Variants in BANP observed in about 807,000 individuals in gnomAD.
BANP encodes the protein BTG3 associated nuclear protein, also known as protein BANP.
BANP carries 11 observed loss-of-function variants against 68.1 expected under a neutral mutation model. The observed-to-expected ratio is 0.16, with a 90% confidence interval of 0.10 to 0.27. BANP has a LOEUF of 0.27. Ranked by LOEUF, BANP falls within the 10% of genes least tolerant of loss-of-function variation. BANP has a pLI of 1.00. For synonymous variants in BANP, 329 were observed against 303.2 expected (o/e 1.09, Z -0.88); for missense variants, 504 against 722.7 (o/e 0.70, Z 3.47).
chr16:87,978,330 A>C (rs1329884105), intron 2 of BANP: 13 of 240,144 alleles, frequency 5.4e-5, no homozygotes, highest in Non-Finnish European at 1.0e-4. Context: ...TTATGACGAA[A>C]CTAGCTCTGT....
chr16:88,020,645 G>A (rs1018682773), intron 7 of BANP, among the ~76,000 whole-genome samples: 2 of 152,216 alleles, frequency 1.3e-5, no homozygotes, highest in African/African-American at 4.8e-5. Flanking sequence ...GGATGGTGGT[G>A]TGTGGGATGA....
rs554665857 is a variant in BANP at position 88,032,861 on chromosome 16, G to A, written c.1064-248G>A. Among the ~76,000 whole-genome samples, 11 of 152,324 alleles carry A rather than the reference G, an allele frequency of 7.2e-5. No individual in the cohort carries two copies. The South Asian group carries it at 2.3e-3, about 32-fold the overall frequency. Reference sequence around the variant, plus strand: ...TTAAATAAGTTGGGGACTAGAAGGGGTTTTGTCATAGCAGCATCACGCCAC... The same window carrying A: ...TTAAATAAGTTGGGGACTAGAAGGGATTTTGTCATAGCAGCATCACGCCAC... On this transcript the variant is annotated intron_variant, in intron 8 of 13. Coordinates refer to ENST00000682872, the MANE Select transcript of BANP (RefSeq NM_001386991.1).
At position 88,004,628 on chromosome 16, in the gene BANP, G is replaced by T. The variant is rs1325768171; in HGVS notation, c.479+217G>T. Among the ~76,000 whole-genome samples the T allele has an allele frequency of 6.6e-6, 1 of 152,124 alleles. No individual in the cohort carries two copies. The highest frequency in any genetic ancestry group is 1.5e-5 in the Non-Finnish European group (1 of 68,020). On this transcript the variant is annotated intron_variant, in intron 5 of 13. Transcript: ENST00000682872. The surrounding 1 kb of genome is among the most constrained non-coding windows in gnomAD (Gnocchi z 7.0). ...TCCAGCCACACCAGGGGCAGCTGCC[G>T]CCGGGGACTTCTGTGTCTCGTGCTG...
chr16:88,034,221 T>C (rs961367627), intron 9 of BANP, among the ~76,000 whole-genome samples: 6 of 152,246 alleles, frequency 3.9e-5, no homozygotes, highest in Non-Finnish European at 7.3e-5. Context: ...GTGAATCTTA[T>C]TTAATAAGCT....
intron 1 of BANP, among the ~76,000 whole-genome samples, chr16:87,963,790 C>G (rs1422107479): frequency 6.6e-6 from 1 of 152,186 alleles, no homozygotes; most frequent in African/African-American, 2.4e-5. Flanking sequence ...ACTTTTCTTG[C>G]TGCTGTTTTT....
chr16:87,973,028 C>G (rs2061400808), intron 1 of BANP, among the ~76,000 whole-genome samples: 2 of 151,928 alleles, frequency 1.3e-5, no homozygotes, highest in African/African-American at 4.8e-5. Context: ...TCCAGTGTCC[C>G]CATCTGCTTG....
intron 11 of BANP, among the ~76,000 whole-genome samples, chr16:88,061,898 A>T (rs1195177252): frequency 6.6e-6 from 1 of 152,062 alleles, no homozygotes; most frequent in Non-Finnish European, 1.5e-5. Context: ...ACCTCAGGTG[A>T]CCAGCCCGCC....
chr16:88,038,294 G>C (rs999945329), intron 11 of BANP, among the ~76,000 whole-genome samples: 1 of 152,142 alleles, frequency 6.6e-6, no homozygotes, highest in Admixed American at 6.5e-5. Context: ...GGGGGCTCTC[G>C]CGGGAGGGAG....
At chr16:88,075,288 A>G (rs922104617) in intron 13 of BANP, among the ~76,000 whole-genome samples, 5 of 152,164 alleles carry the variant, frequency 3.3e-5, no homozygotes, top group African/African-American at 2.4e-5. Context: ...GGAGGTTGCA[A>G]TGAGTCGAGA....
intron 6 of BANP, among the ~76,000 whole-genome samples, chr16:88,015,075 GTCT>G (rs2074174503): frequency 7.7e-6 from 1 of 129,964 alleles, no homozygotes; most frequent in Non-Finnish European, 1.6e-5. Flanking sequence ...CCCTCTGCTC[GTCT>G]CCTCTGCCTG....
In BANP at chr16:87,965,814, T is replaced by G. The variant is rs563603844; in HGVS notation, c.-68-9234T>G. Among the ~76,000 whole-genome samples the G allele has an allele frequency of 3.9e-5, 6 of 152,320 alleles. No individual in the cohort carries two copies. The South Asian group carries it at 8.3e-4, about 21-fold the overall frequency. On this transcript the variant is annotated intron_variant, in intron 1 of 13. Transcript: ENST00000682872. ...TGGCCTTGCCTGTAGACACATCACT[T>G]GGTTGTAGAAACAGTTTCACAGGTA...
intron 13 of BANP, among the ~76,000 whole-genome samples, chr16:88,073,827 T>TC (rs1413543402): frequency 2.0e-5 from 3 of 152,252 alleles, no homozygotes; most frequent in Non-Finnish European, 4.4e-5. Context: ...CAAACCTGTG[T>TC]CCCATGGTTG....
At chr16:87,986,703 C>T (rs1301770184) in intron 4 of BANP, among the ~76,000 whole-genome samples, 2 of 152,192 alleles carry the variant, frequency 1.3e-5, no homozygotes, top group African/African-American at 4.8e-5. Context: ...CAGAAATCCC[C>T]CATGCTTCCC....
Position 88,039,531 on chromosome 16 carries a change from G to A in BANP, c.1311+1520G>A, listed in dbSNP as rs964998238. Among the ~76,000 whole-genome samples the A allele has an allele frequency of 2.8e-5, 4 of 143,488 alleles. No individual in the cohort carries two copies. In the South Asian group the frequency reaches 7.0e-4, roughly 25 times the overall value. 94.1% of individuals were successfully genotyped at this position (143,488 alleles called of 152,430 possible). On this transcript the variant is annotated intron_variant, in intron 11 of 13. Transcript: ENST00000682872. Reference sequence around the variant, plus strand: ...AGGAAAAGTAAGGCACGTCACCTTCGACATTCCCTTGTTCCTGTCTCTACC... The same window carrying A: ...AGGAAAAGTAAGGCACGTCACCTTCAACATTCCCTTGTTCCTGTCTCTACC...
chr16:88,041,223 C>T (rs773426015), intron 11 of BANP, among the ~76,000 whole-genome samples: 12 of 152,182 alleles, frequency 7.9e-5, no homozygotes, highest in Non-Finnish European at 1.3e-4. Context: ...AAATAGCCTC[C>T]ATTCTTAGTT....
chr16:87,959,543 C>T (rs117441099), intron 1 of BANP, among the ~76,000 whole-genome samples: 1,634 of 152,348 alleles, frequency 0.011, 14 homozygotes, highest in Non-Finnish European at 0.016. Context: ...CTAGCAGGCT[C>T]TCCGGGGAGG....
intron 2 of BANP, among the ~76,000 whole-genome samples, chr16:87,979,403 G>A (rs1038227301): frequency 3.9e-5 from 6 of 152,190 alleles, no homozygotes; most frequent in Non-Finnish European, 8.8e-5. Flanking sequence ...CTGTGACCTT[G>A]TTGGTGTCAC....
In BANP at chr16:87,998,868, G is replaced by A. The variant is rs866947356; in HGVS notation, c.363-5427G>A. Among the ~76,000 whole-genome samples the A allele has an allele frequency of 3.2e-3, 398 of 124,094 alleles. 6 individuals are homozygous for A. The highest frequency in any genetic ancestry group is 0.011 in the African/African-American group (343 of 31,726). 81.4% of individuals were successfully genotyped at this position (124,094 alleles called of 152,430 possible). On this transcript the variant is annotated intron_variant, in intron 4 of 13. Transcript: ENST00000682872. ...TGTACTTACCTGTCCTTCCAGACAC[G>A]TCTCCATGCACGCACGTGCGCGGCT...
Position 88,076,894 on chromosome 16 carries a change from G to C in BANP, c.*233G>C, listed in dbSNP as rs1296282300. ...TCCTGCTGTTGGTGTCGGAGCACGA[G>C]GGGAGGCACGGTGCGGAGAGCGTCG... On this transcript the variant is annotated 3_prime_UTR_variant, in exon 14 of 14. Coordinates refer to ENST00000682872, the MANE Select transcript of BANP (RefSeq NM_001386991.1). 2 of 534,604 alleles carry C rather than the reference G, an allele frequency of 3.7e-6. No individual in the cohort carries two copies. Among genetic ancestry groups the C allele is most frequent in the Non-Finnish European group, 3.3e-6 (1 of 302,956 alleles). The allele number at this position is 534,604 out of a possible 1,614,324, so 33.1% of individuals were successfully genotyped here. A position where few individuals can be genotyped will look rare whatever the true frequency, so the allele number is the denominator to read the frequency against.
Sources: gnomAD v4.1 joint callset for allele counts (sites outside exome capture counted in the v4.1 genomes callset) on GRCh38, gnomAD v4.1.1 for gene constraint, Gnocchi (gnomAD v3.1) non-coding constraint, MANE v1.5 for transcripts, NCBI Gene and HGNC (gene_info 2026-07-23, HGNC 2026-07-21) for gene names.